Variants in ROBO1 observed in about 807,000 individuals in gnomAD.
The protein encoded by ROBO1 is roundabout homolog 1.
In ROBO1, 149 loss-of-function variants were observed where a neutral mutation model predicts 195.9. The ratio of observed to expected loss-of-function variants is 0.76; its 90% CI spans 0.67 to 0.87. ROBO1 has a LOEUF of 0.87. Ranked by LOEUF, ROBO1 falls within the 40% of genes least tolerant of loss-of-function variation. The pLI is 0.00. For synonymous variants in ROBO1, 816 were observed against 733.2 expected, an observed-to-expected ratio of 1.11 and a Z score of -1.82; for missense variants, 1,933 against 2,068.3, an observed-to-expected ratio of 0.93 and a Z score of 1.27.
intron 2 of ROBO1, among the ~76,000 whole-genome samples, chr3:79,317,040 A>G (rs1467117386): frequency 6.6e-6 from 1 of 152,208 alleles, no homozygotes; most frequent in Non-Finnish European, 1.5e-5. Context: ...ACCTAAGTTT[A>G]TAAAAATGTG....
chr3:79,719,486 A>G (rs1702614408), intron 1 of ROBO1, among the ~76,000 whole-genome samples: 1 of 152,294 alleles, frequency 6.6e-6, no homozygotes, highest in Middle Eastern at 3.4e-3. Context: ...GAAGGAGTAA[A>G]CTTCTACATA....
chr3:79,366,045 T>C (rs2035966322), intron 2 of ROBO1, among the ~76,000 whole-genome samples: 1 of 152,110 alleles, frequency 6.6e-6, no homozygotes, highest in African/African-American at 2.4e-5. Flanking sequence ...ATACAAAGCC[T>C]TCCTACAGAG....
rs1706385313 is a variant in ROBO1 at position 78,647,639 on chromosome 3, G to T, written c.2829C>A (p.Phe943Leu). 4 of 1,611,858 alleles carry T rather than the reference G, an allele frequency of 2.5e-6. No individual in the cohort carries two copies. Among genetic ancestry groups the T allele is most frequent in the Non-Finnish European group, 2.5e-6 (3 of 1,178,256 alleles). Reference sequence around the variant, plus strand: ...AGTGCAAATATATACCTGTTGGTGTGAAGGTAAAAGACGGGACTGAAAAAT... The same window carrying T: ...AGTGCAAATATATACCTGTTGGTGTTAAGGTAAAAGACGGGACTGAAAAAT... ...AGIRKVPSFTFTPTVTYQRGG... is the reference protein window; with the variant it reads ...AGIRKVPSFTLTPTVTYQRGG... The change falls in exon 20 of 31, where the codon TTC becomes TTA. Residue 943 changes from phenylalanine (F) to leucine (L), a missense_variant. Physicochemically the swap from Phe to Leu is conservative, Grantham distance 22 (BLOSUM62 0). This residue lies in a region of ROBO1 where 1,737 missense variants were observed against 1,882.5 expected (regional missense o/e 0.92). Coordinates refer to ENST00000464233, the MANE Select transcript of ROBO1 (RefSeq NM_002941.4).
In ROBO1 at chr3:78,938,746, G is replaced by A. The variant is rs1425850834; in HGVS notation, c.354C>T (p.His118=). Residue 118 remains histidine, a synonymous_variant, in exon 4 of 31, where the codon CAC becomes CAT. Coordinates refer to ENST00000464233, the MANE Select transcript of ROBO1 (RefSeq NM_002941.4). ...AAGATCCACTCGGCAGCAACATTCG[G>A]TGTGAGCGAGGGTCATCTTTGTCTG... ...VETDKDDPRS[H]RMLLPSGSLF... 7 of 1,613,970 alleles carry A rather than the reference G, an allele frequency of 4.3e-6. No individual in the cohort carries two copies. The highest frequency in any genetic ancestry group is 1.6e-4 in the Middle Eastern group (1 of 6,062).
chr3:78,698,157 T>C (rs1575961615), intron 8 of ROBO1, among the ~76,000 whole-genome samples: 1 of 151,998 alleles, frequency 6.6e-6, no homozygotes, highest in African/African-American at 2.4e-5. Flanking sequence ...AGGTAGTGAG[T>C]TAAATAAAAA....
At chr3:79,221,299 G>A (rs1343802054) in intron 2 of ROBO1, among the ~76,000 whole-genome samples, 2 of 151,946 alleles carry the variant, frequency 1.3e-5, no homozygotes, top group African/African-American at 4.8e-5. Flanking sequence ...GTACCCCTGA[G>A]ATATTGAAAA....
chr3:78,957,173 G>T (rs559025103), intron 3 of ROBO1, among the ~76,000 whole-genome samples: 106 of 151,600 alleles, frequency 7.0e-4, no homozygotes, highest in African/African-American at 2.4e-3. Flanking sequence ...AATATTTTTT[G>T]GGAAAATATG....
At chr3:78,696,252 CTTTTAAGG>C (rs1267556822) in intron 8 of ROBO1, among the ~76,000 whole-genome samples, 1 of 151,912 alleles carries the variant, frequency 6.6e-6, no homozygotes, top group Non-Finnish European at 1.5e-5. Flanking sequence ...TTCCTTTCTG[CTTTTAAGG>C]TTGGAAGCAC....
At chr3:78,865,333 A>C (rs913570542) in intron 4 of ROBO1, among the ~76,000 whole-genome samples, 1 of 152,250 alleles carries the variant, frequency 6.6e-6, no homozygotes, top group Non-Finnish European at 1.5e-5. Flanking sequence ...TTTTATCACA[A>C]CTAGTGAGTA....
chr3:79,603,891 A>G (rs1397807012), intron 1 of ROBO1, among the ~76,000 whole-genome samples: 1 of 152,004 alleles, frequency 6.6e-6, no homozygotes, highest in Non-Finnish European at 1.5e-5. Flanking sequence ...GATAAAGTAA[A>G]AAGAGAAAGT....
chr3:79,426,862 T>G (rs1410198429), intron 2 of ROBO1, among the ~76,000 whole-genome samples: 3 of 152,066 alleles, frequency 2.0e-5, no homozygotes, highest in Non-Finnish European at 2.9e-5. Context: ...ATAATGAAAA[T>G]GAAAAAACAA....
intron 5 of ROBO1, among the ~76,000 whole-genome samples, chr3:78,725,176 T>A (rs1325004560): frequency 6.6e-6 from 1 of 152,094 alleles, no homozygotes; most frequent in African/African-American, 2.4e-5. Context: ...AGCCCACATT[T>A]CCATAAGCGC....
At chr3:79,390,152 T>C (rs552361749) in intron 2 of ROBO1, among the ~76,000 whole-genome samples, 18 of 152,072 alleles carry the variant, frequency 1.2e-4, no homozygotes, top group Non-Finnish European at 2.6e-4. Context: ...GGCTGAATAC[T>C]GGTATGGGAA....
At chr3:79,195,753 T>C (rs754524488) in intron 2 of ROBO1, among the ~76,000 whole-genome samples, 9 of 151,474 alleles carry the variant, frequency 5.9e-5, no homozygotes, top group Middle Eastern at 3.4e-3. Flanking sequence ...TACTTCTTTG[T>C]TTTTTTCAGA....
At position 78,598,159 on chromosome 3, in the gene ROBO1, A is replaced by AAAT. The variant is rs1702949695; in HGVS notation, c.*751_*753dup. 6.6e-6 allele frequency: 1 copy of AAAT among 152,644 alleles called. No homozygotes were observed. The highest frequency in any genetic ancestry group is 2.1e-4 in the South Asian group (1 of 4,814). The allele number at this position is 152,644 out of a possible 1,614,324, so 9.5% of individuals were successfully genotyped here. On this transcript the variant is annotated 3_prime_UTR_variant, in exon 31 of 31. Coordinates refer to ENST00000464233, the MANE Select transcript of ROBO1 (RefSeq NM_002941.4). ...TTATAATTACTTTTTGATGATTGAA[A>AAAT]AATAGAACAAGGTTTTACTAGGTTT...
rs1362205092 is a variant in ROBO1 at position 78,606,836 on chromosome 3, T to A, written c.4641A>T (p.Pro1547=). 6.2e-7 allele frequency: 1 copy of A among 1,613,944 alleles called. No individual in the cohort carries two copies. The highest frequency in any genetic ancestry group is 8.5e-7 in the Non-Finnish European group (1 of 1,179,890). ...GRQVVDMRTN[P]GDPREAQEQQ... ...GTTCCTGTGCTTCTCTGGGATCACC[T>A]GGATTTGTTCGCATGTCAACAACCT... Residue 1547 remains proline, a synonymous_variant, in exon 29 of 31, where the codon CCA becomes CCT. Transcript: ENST00000464233.
rs570179874 is a variant in ROBO1, at chr3:79,211,781, C to A, written c.89-86242G>T. The stretch of plus-strand genomic sequence containing the variant: ...TTCCTTTTCTTGCTTGACTGATTGC[C>A]GAGACCAGCTTGGTAGGGGAGACCC... On this transcript the variant is annotated intron_variant, in intron 2 of 30. Transcript: ENST00000464233. Among the ~76,000 whole-genome samples the A allele has an allele frequency of 2.0e-3, 304 of 152,186 alleles. 1 individual carries two copies. The highest frequency in any genetic ancestry group is 7.0e-3 in the African/African-American group (290 of 41,532).
chr3:79,071,136 T>C (rs1024876450), intron 3 of ROBO1, among the ~76,000 whole-genome samples: 1 of 151,870 alleles, frequency 6.6e-6, no homozygotes, highest in African/African-American at 2.4e-5. Flanking sequence ...ACTATAGTCA[T>C]CATGCTGTAT....
At chr3:78,638,503 T>C (rs1185802576) in intron 22 of ROBO1, among the ~76,000 whole-genome samples, 1 of 152,070 alleles carries the variant, frequency 6.6e-6, no homozygotes, top group Non-Finnish European at 1.5e-5. Flanking sequence ...TATGAATTTA[T>C]TTACCTTTTG....
Sources: gnomAD v4.1 joint callset for allele counts (sites outside exome capture counted in the v4.1 genomes callset) on GRCh38, gnomAD v4.1.1 for gene constraint, gnomAD v4.1.1 regional missense constraint, MANE v1.5 for transcripts, NCBI Gene and HGNC (gene_info 2026-07-23, HGNC 2026-07-21) for gene names.